Variants in MAPK8IP2 observed in about 807,000 individuals in gnomAD.
MAPK8IP2 encodes mitogen-activated protein kinase 8 interacting protein 2.
In MAPK8IP2, 15 loss-of-function variants were observed where a neutral mutation model predicts 75.6. That is an observed-to-expected ratio of 0.20 (90% confidence interval 0.13 to 0.31). The LOEUF is 0.31. Ranked by LOEUF, MAPK8IP2 falls within the 10% of genes least tolerant of loss-of-function variation. MAPK8IP2 has a pLI of 1.00. For missense variants in MAPK8IP2, 1,089 were observed against 1,211.2 expected (o/e 0.90, Z 1.50); for synonymous variants, 632 against 554.5 (o/e 1.14, Z -1.96).
At position 50,606,993 on chromosome 22, in the gene MAPK8IP2, TGA is replaced by T. The variant is rs2071063944; in HGVS notation, c.2303+6_2303+7del. The stretch of plus-strand genomic sequence containing the variant: ...CGGCTGCCATCCCCGCAACAGCTGG[TGA>T]GAGTCTGACCGTCCCCGAGTCCCCC... On this transcript the variant is annotated splice_donor_region_variant and intron_variant, in intron 10 of 11. Transcript: ENST00000329492. 6.2e-7 allele frequency: 1 copy of T among 1,612,846 alleles called. No individual in the cohort carries two copies. Among genetic ancestry groups the T allele is most frequent in the Non-Finnish European group, 8.5e-7 (1 of 1,179,206 alleles).
rs2071003838 is a variant in MAPK8IP2 at position 50,604,410 on chromosome 22, C to G, written c.1111C>G (p.Gln371Glu). Residue 371 changes from glutamine to glutamate, a missense_variant, in exon 5 of 12, where the codon CAG (glutamine) becomes GAG (glutamate). Gln to Glu is a conservative substitution (Grantham distance 29). Transcript: ENST00000329492. Reference protein sequence around the residue: ...EGSSPIRCPGQCLSPAPRPPG... With the variant: ...EGSSPIRCPGECLSPAPRPPG... ...CTCCTCGCCCATCCGCTGCCCCGGC[C>G]AGTGCCTGTCTCCTGCGCCGCGCCC... 2.0e-6 allele frequency: 3 copies of G among 1,509,758 alleles called. No individual in the cohort carries two copies. The African/African-American group carries it at 4.3e-5, about 22-fold the overall frequency. The allele number at this position is 1,509,758 out of a possible 1,614,324, so 93.5% of individuals were successfully genotyped here.
chr22:50,602,273 G>A (rs1163953599), intron 2 of MAPK8IP2, among the ~76,000 whole-genome samples: 1 of 152,192 alleles, frequency 6.6e-6, no homozygotes, highest in African/African-American at 2.4e-5. Context: ...GCTCCCATCT[G>A]TCTGTTTCAT....
In MAPK8IP2 at chr22:50,600,937, C is replaced by A. The variant is rs895535171; in HGVS notation, c.65+54C>A. The A allele has an allele frequency of 8.4e-5, 61 of 727,786 alleles. No individual in the cohort carries two copies. In the East Asian group the frequency reaches 4.0e-3, roughly 48 times the overall value. The allele number at this position is 727,786 out of a possible 1,614,324, so 45.1% of individuals were successfully genotyped here. A position where few individuals can be genotyped will look rare whatever the true frequency, so the allele number is the denominator to read the frequency against. On this transcript the variant is annotated intron_variant, in intron 1 of 11. Coordinates refer to ENST00000329492, the MANE Select transcript of MAPK8IP2 (RefSeq NM_012324.6). Reference sequence around the variant, plus strand: ...GACCCTCCGCTCCCTGCGCACCCCCCCGACCCCGACCCGGCCCGGACCCCC... The same window carrying A: ...GACCCTCCGCTCCCTGCGCACCCCCACGACCCCGACCCGGCCCGGACCCCC...
intron 8 of MAPK8IP2, 74 bp from the exon 9 acceptor site, chr22:50,606,584 G>A (rs978369287): frequency 1.7e-5 from 17 of 1,004,390 alleles, no homozygotes; most frequent in African/African-American, 1.6e-4. Context: ...GAGCAGAGGC[G>A]TAGTCCCACC....
intron 3 of MAPK8IP2, 30 bp from the exon 4 acceptor site, chr22:50,603,596 C>T (rs766156488): frequency 3.8e-6 from 6 of 1,585,780 alleles, no homozygotes; most frequent in Admixed American, 1.8e-5. Context: ...TGGCCCTCCT[C>T]AGGACCGCCG....
At chr22:50,603,078 C>T in intron 2 of MAPK8IP2, 145 bp from the exon 3 acceptor site, 1 of 1,525,224 alleles carries the variant, frequency 6.6e-7, no homozygotes, top group East Asian at 2.3e-5. Context: ...ATTTTGAAAA[C>T]ATCGCCCTGT....
At chr22:50,609,923 GAATAGGGCCACAGAGGGT>G in intron 10 of MAPK8IP2, 1 of 609,836 alleles carries the variant, frequency 1.6e-6, no homozygotes, top group Non-Finnish European at 3.1e-6. Context: ...GGCAGGCCCT[GAATAGGGCCACAGAGGGT>G]AGCAGCACCG....
chr22:50,601,588 AGGCCTGGCTCAGATGGG>A (rs1337383057), intron 1 of MAPK8IP2, 184 bp from the exon 2 acceptor site: 20 of 551,556 alleles, frequency 3.6e-5, no homozygotes, highest in Non-Finnish European at 6.5e-6. Context: ...TCCTCCGGGC[AGGCCTGGCTCAGATGGG>A]GGAGGGGATC....
chr22:50,605,963 C>G, intron 8 of MAPK8IP2, 29 bp downstream of exon 8: 1 of 1,519,728 alleles, frequency 6.6e-7, no homozygotes. Flanking sequence ...CAAGTGCAGG[C>G]TGAGGGTCCG....
In MAPK8IP2 at chr22:50,610,737, C is replaced by T. The variant is rs1486653087; in HGVS notation, c.2433C>T (p.His811=). Residue 811 remains histidine, a synonymous_variant, in exon 12 of 12, where the codon CAC becomes CAT. Coordinates refer to ENST00000329492, the MANE Select transcript of MAPK8IP2 (RefSeq NM_012324.6). The surrounding 1 kb of genome is among the most constrained non-coding windows in gnomAD (Gnocchi z 4.3). ...GRAFLEYYQE[H]LAYACPTEDI... The stretch of plus-strand genomic sequence containing the variant: ...CCTTCCTGGAGTACTACCAAGAGCA[C>T]CTGGCGTACGCCTGCCCCACGGAGG... The T allele has an allele frequency of 1.2e-6, 2 of 1,610,956 alleles. No individual in the cohort carries two copies. Among genetic ancestry groups the T allele is most frequent in the Non-Finnish European group, 1.7e-6 (2 of 1,178,988 alleles).
chr22:50,609,406 G>A (rs1299677117), intron 10 of MAPK8IP2, among the ~76,000 whole-genome samples: 1 of 152,190 alleles, frequency 6.6e-6, no homozygotes, highest in Non-Finnish European at 1.5e-5. Flanking sequence ...CCTGAGTAAT[G>A]CAGGAAGCCA....
intron 8 of MAPK8IP2, among the ~76,000 whole-genome samples, chr22:50,606,294 G>A (rs1212284475): frequency 7.4e-6 from 1 of 135,890 alleles, no homozygotes; most frequent in East Asian, 2.3e-4. Flanking sequence ...CTCAGTGGAC[G>A]TTTAGTGAGC....
chr22:50,602,750 C>T (rs1569063101), intron 2 of MAPK8IP2, among the ~76,000 whole-genome samples: 1 of 152,202 alleles, frequency 6.6e-6, no homozygotes, highest in South Asian at 2.1e-4. Context: ...GCTGTCTCTC[C>T]ATTTCTGCAT....
At chr22:50,606,082 G>A (rs1461032492) in intron 8 of MAPK8IP2, 148 bp downstream of exon 8, 7 of 693,824 alleles carry the variant, frequency 1.0e-5, no homozygotes, top group South Asian at 1.8e-5. Context: ...GGGAGCTCGG[G>A]GTGGGTACCC....
At chr22:50,605,255 C>A in intron 5 of MAPK8IP2, 113 bp from the exon 6 acceptor site, 1 of 1,157,226 alleles carries the variant, frequency 8.6e-7, no homozygotes, top group Non-Finnish European at 1.2e-6. Flanking sequence ...GCTCGTAGGA[C>A]ACCTACACCG....
In MAPK8IP2 at chr22:50,604,509, G is replaced by A. The variant is rs993537549; in HGVS notation, c.1210G>A (p.Gly404Ser). ...SQDPEAAAGP[G>S]GVELVDMETL... ...GGACCCCGAGGCGGCCGCGGGGCCC[G>A]GCGGCGTGGAGCTGGTGGACATGGA... The change falls in exon 5 of 12, where the codon GGC becomes AGC. Residue 404 changes from glycine (G) to serine (S), a missense_variant. Around this residue, in one of 2 missense-constraint regions of MAPK8IP2, gnomAD observed 960 missense variants for 1,009.6 expected, o/e 0.95. Transcript: ENST00000329492. The A allele has an allele frequency of 3.0e-5, 37 of 1,217,894 alleles. No homozygotes were observed. The African/African-American group carries it at 4.0e-4, about 13-fold the overall frequency. 75.4% of individuals were successfully genotyped at this position (1,217,894 alleles called of 1,614,324 possible). A position where few individuals can be genotyped will look rare whatever the true frequency, so the allele number is the denominator to read the frequency against.
chr22:50,605,109 C>T, intron 5 of MAPK8IP2, 45 bp downstream of exon 5: 1 of 1,600,144 alleles, frequency 6.2e-7, no homozygotes, highest in Non-Finnish European at 8.5e-7. Flanking sequence ...GAGGAAGGTG[C>T]AGACTCCCTG....
chr22:50,601,582 C>A, intron 1 of MAPK8IP2: 1 of 543,608 alleles, frequency 1.8e-6, no homozygotes, highest in Non-Finnish European at 3.3e-6. Flanking sequence ...GTTGGCTCCT[C>A]CGGGCAGGCC....
In MAPK8IP2 at chr22:50,605,056, G is replaced by T. The variant is rs760515242; in HGVS notation, c.1757G>T (p.Arg586Leu). The change falls in exon 5 of 12, where the codon CGG (arginine) becomes CTG (leucine). Residue 586 changes from arginine (R) to leucine (L), a missense_variant. This residue lies in a region of MAPK8IP2 where 960 missense variants were observed against 1,009.6 expected (regional missense o/e 0.95). Transcript: ENST00000329492. ...FLNVFVNSTS[R>L]SSSTESFGLF... ...AATGTCTTCGTCAACAGCACATCTC[G>T]GTCCTCCAGTGAGTGAGAGGTGGGG... The T allele has an allele frequency of 3.8e-5, 62 of 1,612,362 alleles. No individual in the cohort carries two copies. Among genetic ancestry groups the T allele is most frequent in the Non-Finnish European group, 5.0e-5 (59 of 1,179,818 alleles).
Sources: gnomAD v4.1 joint callset for allele counts (sites outside exome capture counted in the v4.1 genomes callset) on GRCh38, gnomAD v4.1.1 for gene constraint, gnomAD v4.1.1 regional missense constraint, Gnocchi (gnomAD v3.1) non-coding constraint, MANE v1.5 for transcripts, NCBI Gene and HGNC (gene_info 2026-07-23, HGNC 2026-07-21) for gene names.